Variants in SMAD2 observed in about 807,000 individuals in gnomAD.
The protein encoded by SMAD2 is MAD homolog 2.
In SMAD2, 8 loss-of-function variants were observed where a neutral mutation model predicts 64.4. That is an observed-to-expected ratio of 0.12 (90% CI 0.07 to 0.22). The LOEUF (loss-of-function observed/expected upper bound fraction) is 0.22, where lower values mean the gene tolerates loss of function less well. SMAD2 is among the 10% of genes least tolerant of loss of function. The pLI is 1.00. For missense variants in SMAD2, 289 were observed against 561.2 expected (o/e 0.51, Z 4.90); for synonymous variants, 203 against 195.8 (o/e 1.04, Z -0.31).
rs1913880667 is a variant in SMAD2 at position 47,840,912 on chromosome 18, T to C, written c.*915A>G. The C allele has an allele frequency of 4.3e-6, 1 of 232,494 alleles. No individual in the cohort carries two copies. Among genetic ancestry groups the C allele is most frequent in the Non-Finnish European group, 8.5e-6 (1 of 117,588 alleles). 14.4% of individuals were successfully genotyped at this position (232,494 alleles called of 1,614,324 possible). A position where few individuals can be genotyped will look rare whatever the true frequency, so the allele number is the denominator to read the frequency against. On this transcript the variant is annotated 3_prime_UTR_variant, in exon 11 of 11. Coordinates refer to ENST00000262160, the MANE Select transcript of SMAD2 (RefSeq NM_005901.6). ...GTGGAAGGATAAATCAACAGACTGC[T>C]AGATTATACAAGCCAATTATTCCTG...
chr18:47,914,836 T>C (rs2034273683), intron 1 of SMAD2, among the ~76,000 whole-genome samples: 1 of 152,174 alleles, frequency 6.6e-6, no homozygotes, highest in Admixed American at 6.5e-5. Context: ...AAGTTTAGCA[T>C]GTTCTACAAA....
At chr18:47,854,812 C>G (rs1423358618) in intron 6 of SMAD2, among the ~76,000 whole-genome samples, 2 of 152,100 alleles carry the variant, frequency 1.3e-5, no homozygotes, top group Non-Finnish European at 2.9e-5. Flanking sequence ...ATAACATCCG[C>G]AAACCACAAT....
At chr18:47,848,193 T>C (rs1914715407) in intron 8 of SMAD2, among the ~76,000 whole-genome samples, 1 of 152,212 alleles carries the variant, frequency 6.6e-6, no homozygotes, top group Non-Finnish European at 1.5e-5. Context: ...GGCAATTTTA[T>C]GACTGGTAGA....
At chr18:47,863,760 T>C (rs529409384) in intron 6 of SMAD2, among the ~76,000 whole-genome samples, 2 of 152,344 alleles carry the variant, frequency 1.3e-5, no homozygotes, top group Non-Finnish European at 2.9e-5. Context: ...TAAATGGTCA[T>C]GTACAAGTTT....
chr18:47,850,234 ATATAT>A (rs1324748144), intron 7 of SMAD2, among the ~76,000 whole-genome samples: 13 of 54,188 alleles, frequency 2.4e-4, no homozygotes, highest in Non-Finnish European at 2.2e-4. Flanking sequence ...AATATATATT[ATATAT>A]TATATATTAT....
chr18:47,833,784 A>C lies in SMAD2; in HGVS notation c.*8043T>G, dbSNP rs140519562. 5.3e-4 allele frequency: 123 copies of C among 231,102 alleles called. No individual in the cohort carries two copies. Among genetic ancestry groups the C allele is most frequent in the African/African-American group, 2.6e-3 (119 of 45,340 alleles). The allele number at this position is 231,102 out of a possible 1,614,324, so 14.3% of individuals were successfully genotyped here. A position where few individuals can be genotyped will look rare whatever the true frequency, so the allele number is the denominator to read the frequency against. On this transcript the variant is annotated 3_prime_UTR_variant, in exon 11 of 11. Coordinates refer to ENST00000262160, the MANE Select transcript of SMAD2 (RefSeq NM_005901.6). The stretch of plus-strand genomic sequence containing the variant: ...CATTCTGGCTTCTCGAGCAGAACAG[A>C]CTGGGAAATGCAGTAGACGCCAGAG...
chr18:47,837,761 A>C lies in SMAD2; in HGVS notation c.*4066T>G, dbSNP rs1266028528. 1 of 232,968 alleles carries C rather than the reference A, an allele frequency of 4.3e-6. No homozygotes were observed. Among genetic ancestry groups the C allele is most frequent in the Non-Finnish European group, 8.5e-6 (1 of 117,818 alleles). 14.4% of individuals were successfully genotyped at this position (232,968 alleles called of 1,614,324 possible). ...CAATGCCTTCGATCAGAGTAAGAAA[A>C]AAGTATTCATTGTTCATGTCCACAG... On this transcript the variant is annotated 3_prime_UTR_variant, in exon 11 of 11. Transcript: ENST00000262160.
At chr18:47,885,016 T>TA (rs1471618235) in intron 2 of SMAD2, among the ~76,000 whole-genome samples, 2 of 152,148 alleles carry the variant, frequency 1.3e-5, no homozygotes, top group Non-Finnish European at 2.9e-5. Flanking sequence ...GTTGAAGTAT[T>TA]TCAAGCCCTT....
At chr18:47,852,146 T>A (rs951530962) in intron 6 of SMAD2, among the ~76,000 whole-genome samples, 1 of 152,228 alleles carries the variant, frequency 6.6e-6, no homozygotes, top group Admixed American at 6.5e-5. Context: ...GCGATGTTGA[T>A]CATTTTCTTA....
At position 47,853,459 on chromosome 18, in the gene SMAD2, G is replaced by A. The variant is rs182056543; in HGVS notation, c.731-2132C>T. 962 of 209,232 alleles carry A rather than the reference G, an allele frequency of 4.6e-3. 92 individuals carry two copies. The highest frequency in any genetic ancestry group is 7.2e-3 in the Non-Finnish European group (792 of 109,990). The allele number at this position is 209,232 out of a possible 1,614,324, so 13.0% of individuals were successfully genotyped here. ...GCCTCGCTTGAATCCAGGAGGCGGAGGTTGCAGTGAGCTGAGGGCATCCCA... is the reference window on the plus strand; with the variant it reads ...GCCTCGCTTGAATCCAGGAGGCGGAAGTTGCAGTGAGCTGAGGGCATCCCA... On this transcript the variant is annotated intron_variant, in intron 6 of 10. Transcript: ENST00000262160.
chr18:47,883,710 T>C (rs1480222858), intron 2 of SMAD2, among the ~76,000 whole-genome samples: 1 of 152,202 alleles, frequency 6.6e-6, no homozygotes, highest in Non-Finnish European at 1.5e-5. Flanking sequence ...CTTTACAATC[T>C]TCTCTGTTGC....
At chr18:47,869,022 A>C (rs2031767443) in intron 4 of SMAD2, among the ~76,000 whole-genome samples, 1 of 152,204 alleles carries the variant, frequency 6.6e-6, no homozygotes, top group Non-Finnish European at 1.5e-5. Flanking sequence ...CTGGATATGC[A>C]CTTTCATGCC....
Position 47,841,530 on chromosome 18 carries a change from C to T in SMAD2, c.*297G>A. 1 of 470,938 alleles carries T rather than the reference C, an allele frequency of 2.1e-6. No individual in the cohort carries two copies. The highest frequency in any genetic ancestry group is 2.1e-5 in the South Asian group (1 of 47,052). The allele number at this position is 470,938 out of a possible 1,614,324, so 29.2% of individuals were successfully genotyped here. On this transcript the variant is annotated 3_prime_UTR_variant, in exon 11 of 11. Coordinates refer to ENST00000262160, the MANE Select transcript of SMAD2 (RefSeq NM_005901.6). Reference sequence around the variant, plus strand: ...CATGATACATTACCTGTACACATAACTACTACTGTTATTAATAAACCTTTG... The same window carrying T: ...CATGATACATTACCTGTACACATAATTACTACTGTTATTAATAAACCTTTG...
intron 1 of SMAD2, among the ~76,000 whole-genome samples, chr18:47,903,424 G>A (rs1013721863): frequency 2.0e-5 from 3 of 152,130 alleles, no homozygotes; most frequent in Non-Finnish European, 4.4e-5. Context: ...GAGCTATAGA[G>A]AAATTTCTCA....
intron 2 of SMAD2, among the ~76,000 whole-genome samples, chr18:47,894,421 A>G (rs1251330657): frequency 6.6e-6 from 1 of 152,160 alleles, no homozygotes; most frequent in Non-Finnish European, 1.5e-5. Flanking sequence ...AAGTGTGAAC[A>G]CTGGCACAGC....
chr18:47,923,636 G>GT (rs2034649384), intron 1 of SMAD2: 1 of 152,192 alleles, frequency 6.6e-6, no homozygotes. Context: ...TGCTTCAAAG[G>GT]CTTCCTGGTG....
rs1353544168 is a variant in SMAD2, at chr18:47,829,115, C to A, written c.*12712G>T. 2 of 152,012 alleles carry A rather than the reference C, an allele frequency of 1.3e-5. No homozygotes were observed. The highest frequency in any genetic ancestry group is 1.3e-4 in the Admixed American group (2 of 15,268). 9.4% of individuals were successfully genotyped at this position (152,012 alleles called of 1,614,324 possible). A position where few individuals can be genotyped will look rare whatever the true frequency, so the allele number is the denominator to read the frequency against. On this transcript the variant is annotated 3_prime_UTR_variant, in exon 11 of 11. Transcript: ENST00000262160. Reference sequence around the variant, plus strand: ...GAGAACAGAAAAAGTTCAGGAGCCACCAGAGGATGTTAAGGAGGCTTCCTA... The same window carrying A: ...GAGAACAGAAAAAGTTCAGGAGCCAACAGAGGATGTTAAGGAGGCTTCCTA...
chr18:47,893,873 G>A (rs1250480319), intron 2 of SMAD2, among the ~76,000 whole-genome samples: 1 of 152,044 alleles, frequency 6.6e-6, no homozygotes, highest in African/African-American at 2.4e-5. Flanking sequence ...CACCAAATTA[G>A]GCAAATTTCT....
At chr18:47,849,825 T>C (rs1330930309) in intron 7 of SMAD2, among the ~76,000 whole-genome samples, 3 of 151,810 alleles carry the variant, frequency 2.0e-5, no homozygotes, top group East Asian at 1.9e-4. Context: ...CTGGGCAACA[T>C]AGTGAAACCC....
Sources: allele counts gnomAD v4.1 joint callset (sites outside exome capture counted in the v4.1 genomes callset), GRCh38; gene constraint gnomAD v4.1.1; transcripts MANE v1.5; gene names NCBI Gene and HGNC (gene_info 2026-07-23, HGNC 2026-07-21).